The following CSMD1 variants were observed in gnomAD, a reference collection of about 807,000 sequenced individuals.
CSMD1 encodes CUB and sushi domain-containing protein 1.
A neutral mutation model predicts 417.5 loss-of-function variants in CSMD1; 213 were observed. The ratio of observed to expected loss-of-function variants is 0.51; its 90% CI spans 0.46 to 0.57. The LOEUF is 0.57. CSMD1 is among the 20% of genes least tolerant of loss of function. The pLI is 0.00. For synonymous variants in CSMD1, 2,862 were observed against 1,736.8 expected, an observed-to-expected ratio of 1.65 and a Z score of -16.11; for missense variants, 6,923 against 4,529.7, an observed-to-expected ratio of 1.53 and a Z score of -15.17.
chr8:4,738,740 T>G (rs1810406365), intron 1 of CSMD1, among the ~76,000 whole-genome samples: 1 of 152,226 alleles, frequency 6.6e-6, no homozygotes, highest in African/African-American at 2.4e-5. Context: ...TCATAATGAT[T>G]AATGGTATGC....
At chr8:4,935,325 G>T (rs1209597030) in intron 1 of CSMD1, among the ~76,000 whole-genome samples, 1 of 152,168 alleles carries the variant, frequency 6.6e-6, no homozygotes, top group Admixed American at 6.5e-5. Context: ...ATTAGGAAAT[G>T]CCCCTGCGCC....
intron 3 of CSMD1, among the ~76,000 whole-genome samples, chr8:4,330,227 G>C (rs1464015354): frequency 6.6e-6 from 1 of 151,912 alleles, no homozygotes; most frequent in South Asian, 2.1e-4. Flanking sequence ...AGATCCACCT[G>C]TCAGATCCAC....
chr8:3,402,477 G>T (rs1338227555), intron 15 of CSMD1, among the ~76,000 whole-genome samples: 1 of 152,156 alleles, frequency 6.6e-6, no homozygotes, highest in African/African-American at 2.4e-5. Context: ...ATACGAGCCT[G>T]TTAGAAGCAG....
At chr8:3,971,046 C>T (rs1813049360) in intron 5 of CSMD1, among the ~76,000 whole-genome samples, 1 of 152,126 alleles carries the variant, frequency 6.6e-6, no homozygotes, top group Non-Finnish European at 1.5e-5. Context: ...TCACCGCGCC[C>T]GGCCTACATG....
intron 10 of CSMD1, among the ~76,000 whole-genome samples, chr8:3,571,755 C>CATGTGAGACAA (rs57894725): frequency 5.3e-5 from 8 of 151,964 alleles, no homozygotes; most frequent in South Asian, 4.2e-4. Flanking sequence ...GCTAAGTCTC[C>CATGTGAGACAA]GTCTGGGGCA....
rs150046386 is a variant in CSMD1, at chr8:4,540,434, G to C, written c.302+96908C>G. Among the ~76,000 whole-genome samples, 656 of 152,240 alleles carry C rather than the reference G, an allele frequency of 4.3e-3. 7 individuals are homozygous for C. Among genetic ancestry groups the C allele is most frequent in the African/African-American group, 0.015 (621 of 41,550 alleles). ...CTCAAAACCTCAGGCCGGGTGCAGT[G>C]GCTCATGCCTGTAATTCCAGGACTT... On this transcript the variant is annotated intron_variant, in intron 2 of 69. Coordinates refer to ENST00000635120, the MANE Select transcript of CSMD1 (RefSeq NM_033225.6).
chr8:3,027,469 G>T (rs1056736619), intron 51 of CSMD1, among the ~76,000 whole-genome samples: 3 of 152,210 alleles, frequency 2.0e-5, no homozygotes, highest in African/African-American at 7.2e-5. Flanking sequence ...CCCGGCCAAA[G>T]TGTCACAACC....
intron 4 of CSMD1, among the ~76,000 whole-genome samples, chr8:4,016,426 G>A (rs911361395): frequency 1.3e-5 from 2 of 152,142 alleles, no homozygotes; most frequent in African/African-American, 4.8e-5. Flanking sequence ...CCCTGCAGCT[G>A]CACTGAGCCT....
intron 2 of CSMD1, among the ~76,000 whole-genome samples, chr8:4,487,250 C>T (rs769022050): frequency 1.3e-4 from 20 of 152,016 alleles, no homozygotes; most frequent in Non-Finnish European, 2.4e-4. Context: ...TATACATGTG[C>T]CATGCCGGTG....
In CSMD1 at chr8:3,229,891, A is replaced by G. The variant is rs138379414; in HGVS notation, c.4345+149T>C. ...ATAAAATAAAGTTTAAAGGTTTACA[A>G]TAAAATTTCAGGAGTCTCAGAGAGC... On this transcript the variant is annotated intron_variant, in intron 27 of 69. Coordinates refer to ENST00000635120, the MANE Select transcript of CSMD1 (RefSeq NM_033225.6). 5.7e-4 allele frequency: 322 copies of G among 562,146 alleles called. 4 individuals carry two copies. In the East Asian group the frequency reaches 8.3e-3, roughly 15 times the overall value. The allele number at this position is 562,146 out of a possible 1,614,324, so 34.8% of individuals were successfully genotyped here.
chr8:3,284,455 T>C, intron 25 of CSMD1, 109 bp from the exon 26 acceptor site: 1 of 739,788 alleles, frequency 1.4e-6, no homozygotes, highest in Non-Finnish European at 2.3e-6. Context: ...CCCACCAACA[T>C]GTGCCTCGGT....
chr8:3,194,478 G>GGTGGA (rs1796593879), intron 33 of CSMD1, among the ~76,000 whole-genome samples: 1 of 105,730 alleles, frequency 9.5e-6, no homozygotes, highest in Non-Finnish European at 2.3e-5. Context: ...TCATTTTTGA[G>GGTGGA]GTGGAAACTC....
At chr8:4,794,966 A>G (rs1797894135) in intron 1 of CSMD1, among the ~76,000 whole-genome samples, 1 of 151,714 alleles carries the variant, frequency 6.6e-6, no homozygotes. Context: ...TGGTGGAGTA[A>G]AGCCAGAGAA....
chr8:4,047,905 A>G (rs1311030567), intron 3 of CSMD1, among the ~76,000 whole-genome samples: 1 of 152,158 alleles, frequency 6.6e-6, no homozygotes, highest in East Asian at 1.9e-4. Flanking sequence ...GTTTGATTTT[A>G]TGTAGTATTA....
chr8:4,053,261 T>C (rs919426140), intron 3 of CSMD1, among the ~76,000 whole-genome samples: 8 of 152,212 alleles, frequency 5.3e-5, no homozygotes, highest in African/African-American at 1.2e-4. Flanking sequence ...CCAAGATTTA[T>C]TCAAAGAAAA....
intron 2 of CSMD1, among the ~76,000 whole-genome samples, chr8:4,425,254 G>A (rs985062533): frequency 4.6e-5 from 7 of 151,794 alleles, no homozygotes; most frequent in African/African-American, 7.3e-5. Context: ...TTTTTAAAAC[G>A]AGTGTCATAA....
In CSMD1 at chr8:4,518,538, C is replaced by T. The variant is rs559388430; in HGVS notation, c.303-98473G>A. 2.9e-4 allele frequency among the ~76,000 whole-genome samples: 43 copies of T among 150,564 alleles called. 1 individual carries two copies. The highest frequency in any genetic ancestry group is 1.7e-3 in the Admixed American group (25 of 14,954). ...AGGACAAAAAACCAAACACCGCGTG[C>T]TCTCACTCATAGGTGGGAATTGAAC... is the stretch of plus-strand genomic sequence containing the variant. On this transcript the variant is annotated intron_variant, in intron 2 of 69. Coordinates refer to ENST00000635120, the MANE Select transcript of CSMD1 (RefSeq NM_033225.6).
chr8:3,993,200 C>G lies in CSMD1; in HGVS notation c.818+4703G>C, dbSNP rs1019556675. Among the ~76,000 whole-genome samples, 5 of 152,200 alleles carry G rather than the reference C, an allele frequency of 3.3e-5. No individual in the cohort carries two copies. The East Asian group carries it at 7.7e-4, about 23-fold the overall frequency. ...AAGCTAGGTTTAGGATATACAGCAA[C>G]TCTCTGTGTTAGTGCTGCAAATTTT... On this transcript the variant is annotated intron_variant, in intron 5 of 69. Coordinates refer to ENST00000635120, the MANE Select transcript of CSMD1 (RefSeq NM_033225.6).
At chr8:3,277,274 T>C (rs962141395) in intron 26 of CSMD1, among the ~76,000 whole-genome samples, 5 of 151,984 alleles carry the variant, frequency 3.3e-5, no homozygotes, top group East Asian at 1.9e-4. Flanking sequence ...GATGAGAAGA[T>C]AGGGGAGAGT....
Sources: allele counts gnomAD v4.1 joint callset (sites outside exome capture counted in the v4.1 genomes callset), GRCh38; gene constraint gnomAD v4.1.1; transcripts MANE v1.5; gene names NCBI Gene and HGNC (gene_info 2026-07-23, HGNC 2026-07-21).